Variants in MACROD2 observed in about 807,000 individuals in gnomAD.
MACROD2 encodes the protein mono-ADP ribosylhydrolase 2.
In MACROD2, 36 loss-of-function variants were observed where a neutral mutation model predicts 70.4. The observed-to-expected ratio is 0.51, with a 90% CI of 0.39 to 0.68. The LOEUF is 0.68. Among genes scored for constraint, MACROD2 ranks in the 30% least tolerant of loss-of-function variants. The pLI, the probability that MACROD2 is intolerant of heterozygous loss-of-function variation, is 0.00. For synonymous variants in MACROD2, 172 were observed against 178.8 expected (o/e 0.96, Z 0.30); for missense variants, 496 against 538.4 (o/e 0.92, Z 0.78).
In MACROD2 at chr20:14,663,516, GTA is replaced by G. The variant is rs1491318545; in HGVS notation, c.302-21324_302-21323del. On this transcript the variant is annotated intron_variant, in intron 4 of 17. Transcript: ENST00000684519. ...AACATAATAAAAATAAAACAGGGAT[GTA>G]TACACACACACACACACACACACAC... 7.9e-3 allele frequency among the ~76,000 whole-genome samples: 854 copies of G among 108,114 alleles called. 7 individuals carry two copies. The highest frequency in any genetic ancestry group is 0.036 in the African/African-American group (797 of 22,030). The allele number at this position is 108,114 out of a possible 152,430, so 70.9% of individuals were successfully genotyped here.
chr20:15,670,927 T>C (rs1361357396), intron 8 of MACROD2, among the ~76,000 whole-genome samples: 1 of 152,114 alleles, frequency 6.6e-6, no homozygotes, highest in Non-Finnish European at 1.5e-5. Context: ...TCTCTTATCT[T>C]GGTCTGAAGA....
At chr20:14,045,095 C>G (rs146066067) in intron 2 of MACROD2, among the ~76,000 whole-genome samples, 1,792 of 152,366 alleles carry the variant, frequency 0.012, 40 homozygotes, top group African/African-American at 0.041. Flanking sequence ...CCCGAGGAGC[C>G]CACGCCCACC....
chr20:14,554,903 T>A (rs1978919123), intron 4 of MACROD2, among the ~76,000 whole-genome samples: 1 of 152,076 alleles, frequency 6.6e-6, no homozygotes, highest in East Asian at 1.9e-4. Flanking sequence ...ATTAAATGCA[T>A]GTGTGTTTTG....
At chr20:14,120,076 G>T (rs770198238) in intron 3 of MACROD2, among the ~76,000 whole-genome samples, 1 of 151,886 alleles carries the variant, frequency 6.6e-6, no homozygotes, top group Non-Finnish European at 1.5e-5. Context: ...AGCCAGGTGT[G>T]GTGGTGAGCA....
At chr20:15,106,018 C>T (rs890377400) in intron 5 of MACROD2, among the ~76,000 whole-genome samples, 1 of 152,142 alleles carries the variant, frequency 6.6e-6, no homozygotes, top group African/African-American at 2.4e-5. Context: ...GAATGTGTTA[C>T]TTAGCTTAAT....
intron 5 of MACROD2, among the ~76,000 whole-genome samples, chr20:14,704,809 T>C (rs2071249009): frequency 6.6e-6 from 1 of 152,138 alleles, no homozygotes; most frequent in African/African-American, 2.4e-5. Context: ...ATTATATGCG[T>C]GTTCTTTTTT....
chr20:15,607,119 C>T (rs1276126606), intron 8 of MACROD2, among the ~76,000 whole-genome samples: 1 of 152,120 alleles, frequency 6.6e-6, no homozygotes, highest in Non-Finnish European at 1.5e-5. Flanking sequence ...AGTTCACGAT[C>T]AGCCTAGGCA....
At chr20:15,919,213 C>T (rs1186165526) in intron 10 of MACROD2, among the ~76,000 whole-genome samples, 1 of 152,184 alleles carries the variant, frequency 6.6e-6, no homozygotes, top group East Asian at 1.9e-4. Context: ...TGCTAGAATA[C>T]TCCTTAGTGA....
chr20:14,422,580 T>A (rs1354282039), intron 3 of MACROD2, among the ~76,000 whole-genome samples: 2 of 151,926 alleles, frequency 1.3e-5, no homozygotes, highest in African/African-American at 2.4e-5. Context: ...TCTACAGGTA[T>A]TTTTTTTGTG....
intron 8 of MACROD2, among the ~76,000 whole-genome samples, chr20:15,821,803 A>C (rs917342052): frequency 2.0e-5 from 3 of 152,182 alleles, no homozygotes; most frequent in African/African-American, 7.2e-5. Context: ...TGCCATTTTT[A>C]ATAAGAGGAT....
At position 14,043,355 on chromosome 20, in the gene MACROD2, G is replaced by A. The variant is rs78073065; in HGVS notation, c.163+40951G>A. On this transcript the variant is annotated intron_variant, in intron 2 of 17. Coordinates refer to ENST00000684519, the MANE Select transcript of MACROD2 (RefSeq NM_001351661.2). ...TACACATTTACCAGTTTATTATAAA[G>A]GACATTACAAAGGATATAGCTAAAG... is the stretch of plus-strand genomic sequence containing the variant. Among the ~76,000 whole-genome samples the A allele has an allele frequency of 1.0e-2, 1,521 of 152,294 alleles. 29 individuals are homozygous for A. Among genetic ancestry groups the A allele is most frequent in the African/African-American group, 0.035 (1,445 of 41,548 alleles).
intron 15 of MACROD2, among the ~76,000 whole-genome samples, chr20:16,001,281 T>C (rs1380455163): frequency 1.3e-5 from 2 of 152,208 alleles, no homozygotes; most frequent in Non-Finnish European, 2.9e-5. Context: ...TTTCAATGTG[T>C]TTTTATAATC....
chr20:15,655,921 C>T (rs771652039), intron 8 of MACROD2, among the ~76,000 whole-genome samples: 1 of 152,168 alleles, frequency 6.6e-6, no homozygotes. Context: ...GCTGTTGTGG[C>T]TCCTCTTTGT....
At chr20:14,515,622 C>A (rs1042676355) in intron 4 of MACROD2, among the ~76,000 whole-genome samples, 15 of 151,976 alleles carry the variant, frequency 9.9e-5, no homozygotes, top group African/African-American at 3.4e-4. Flanking sequence ...ACAAATACTG[C>A]ATGATCTCAC....
intron 5 of MACROD2, among the ~76,000 whole-genome samples, chr20:14,804,703 C>G (rs1456998594): frequency 6.6e-6 from 1 of 151,942 alleles, no homozygotes; most frequent in Non-Finnish European, 1.5e-5. Context: ...GAACTGATGA[C>G]CTCCATGGAA....
intron 6 of MACROD2, among the ~76,000 whole-genome samples, chr20:15,297,932 G>A (rs553606262): frequency 8.1e-4 from 123 of 152,178 alleles, no homozygotes; most frequent in African/African-American, 2.8e-3. Flanking sequence ...ACAAATTAAG[G>A]GAACACAATA....
At chr20:15,465,898 A>G (rs1266347540) in intron 7 of MACROD2, among the ~76,000 whole-genome samples, 1 of 152,222 alleles carries the variant, frequency 6.6e-6, no homozygotes. Context: ...TACTGAGCCC[A>G]TGCTTAATGT....
rs765611214 is a variant in MACROD2, at chr20:14,857,123, C to T, written c.418+172164C>T. On this transcript the variant is annotated intron_variant, in intron 5 of 17. Transcript: ENST00000684519. The stretch of plus-strand genomic sequence containing the variant: ...AGATTCATCCAGTGGAATATCTCCT[C>T]TGCTCCCCAATCCCATAAACCGTTA... Among the ~76,000 whole-genome samples the T allele has an allele frequency of 2.6e-5, 4 of 152,294 alleles. 1 individual carries two copies. The highest frequency in any genetic ancestry group is 9.6e-5 in the African/African-American group (4 of 41,570).
chr20:15,814,060 G>A (rs2063847795), intron 8 of MACROD2, among the ~76,000 whole-genome samples: 1 of 152,112 alleles, frequency 6.6e-6, no homozygotes, highest in South Asian at 2.1e-4. Flanking sequence ...CCTTAACCAA[G>A]TTAATTGAGG....
Sources: allele counts gnomAD v4.1 joint callset (sites outside exome capture counted in the v4.1 genomes callset), GRCh38; gene constraint gnomAD v4.1.1; transcripts MANE v1.5; gene names NCBI Gene and HGNC (gene_info 2026-07-23, HGNC 2026-07-21).